RNF212: variants seen among roughly 807,000 people sequenced by gnomAD.
The protein encoded by RNF212 is ring finger protein 212, also known as probable E3 SUMO-protein ligase RNF212.
A neutral mutation model predicts 34.7 loss-of-function variants in RNF212; 33 were observed. The observed-to-expected ratio is 0.95, with a 90% CI of 0.72 to 1.27. The LOEUF (loss-of-function observed/expected upper bound fraction) is 1.27. RNF212 is among the 50% of genes most tolerant of loss of function. The pLI, the probability that RNF212 is intolerant of heterozygous loss-of-function variation, is 0.00. For missense variants in RNF212, 377 were observed against 362.2 expected (o/e 1.04, Z -0.33); for synonymous variants, 140 against 136.1 (o/e 1.03, Z -0.20).
chr4:1,096,680 A>T lies in RNF212; in HGVS notation c.246+85T>A, dbSNP rs183671363. On this transcript the variant is annotated intron_variant, in intron 3 of 9. Coordinates refer to ENST00000433731, the MANE Select transcript of RNF212 (RefSeq NM_001131034.4). ...GATAGTGCACCTGGCTCATCACAGA[A>T]CCAAGCACACCCCTCATAGCTCCAT... 5.1e-5 allele frequency: 45 copies of T among 877,640 alleles called. 1 individual carries two copies. The African/African-American group carries it at 8.6e-4, about 17-fold the overall frequency. The allele number at this position is 877,640 out of a possible 1,614,324, so 54.4% of individuals were successfully genotyped here.
chr4:1,105,291 C>G (rs939821649), intron 2 of RNF212, among the ~76,000 whole-genome samples: 1 of 48,290 alleles, frequency 2.1e-5, no homozygotes, highest in African/African-American at 3.6e-5. Flanking sequence ...CTGCTCCGCG[C>G]TCACCGGAGT....
chr4:1,104,394 C>A (rs1724489628), intron 2 of RNF212, among the ~76,000 whole-genome samples: 1 of 152,230 alleles, frequency 6.6e-6, no homozygotes, highest in Non-Finnish European at 1.5e-5. Context: ...AGGCCCTGGG[C>A]TCAGGTCACC....
chr4:1,060,130 T>A (rs1484231428), intron 3 of RNF212, among the ~76,000 whole-genome samples: 1 of 151,032 alleles, frequency 6.6e-6, no homozygotes, highest in Non-Finnish European at 1.5e-5. Flanking sequence ...AGAAATTGTT[T>A]CCTATTTACT....
chr4:1,056,969 G>A (rs1717362404), intron 4 of RNF212: 4 of 987,852 alleles, frequency 4.0e-6, no homozygotes, highest in African/African-American at 1.7e-5. Context: ...TGGCGTTAGT[G>A]GGGGTCCCTT....
intron 8 of RNF212, among the ~76,000 whole-genome samples, chr4:1,075,417 G>A (rs1015307330): frequency 1.3e-5 from 2 of 152,222 alleles, no homozygotes; most frequent in African/African-American, 2.4e-5. Context: ...TACAATCAGG[G>A]TGGGAGGCCA....
chr4:1,101,327 A>T (rs751745441), intron 2 of RNF212: 32 of 262,140 alleles, frequency 1.2e-4, no homozygotes, highest in Non-Finnish European at 2.2e-4. Flanking sequence ...GACAATACTG[A>T]GCAGAATTTT....
chr4:1,099,858 A>G (rs1266996681), intron 2 of RNF212: 2 of 456,114 alleles, frequency 4.4e-6, no homozygotes, highest in Non-Finnish European at 8.8e-6. Context: ...TGCGGGATCC[A>G]CGGGGCTCTC....
At chr4:1,060,176 A>T (rs1717657779) in intron 3 of RNF212, among the ~76,000 whole-genome samples, 1 of 151,996 alleles carries the variant, frequency 6.6e-6, no homozygotes, top group African/African-American at 2.4e-5. Flanking sequence ...TTATCAACAG[A>T]GATGAAGAGA....
At chr4:1,101,437 T>C (rs1480299310) in intron 2 of RNF212, 3 of 158,766 alleles carry the variant, frequency 1.9e-5, no homozygotes, top group Non-Finnish European at 4.2e-5. Flanking sequence ...CCTGTAAACA[T>C]GGTATTCCCT....
At chr4:1,075,060 G>C (rs1333262878) in intron 8 of RNF212, among the ~76,000 whole-genome samples, 1 of 152,196 alleles carries the variant, frequency 6.6e-6, no homozygotes, top group East Asian at 1.9e-4. Flanking sequence ...TCCCCGTCCT[G>C]GTGCTGTCTG....
At chr4:1,110,616 G>C (rs1322998634) in intron 1 of RNF212, among the ~76,000 whole-genome samples, 2 of 151,900 alleles carry the variant, frequency 1.3e-5, no homozygotes, top group African/African-American at 4.9e-5. Context: ...GTCTATGTTT[G>C]AGTAAGTAAT....
chr4:1,056,886 G>T, intron 4 of RNF212: 3 of 988,032 alleles, frequency 3.0e-6, no homozygotes, highest in Non-Finnish European at 3.6e-6. Context: ...GGCGGCCGGG[G>T]GGGCAGCCTG....
At chr4:1,073,240 G>T in intron 9 of RNF212, 47 bp from the exon 10 acceptor site, 1 of 1,596,490 alleles carries the variant, frequency 6.3e-7, no homozygotes, top group Non-Finnish European at 8.6e-7. Flanking sequence ...GGCCTGTGTG[G>T]GCTGAGGTGG....
intron 3 of RNF212, among the ~76,000 whole-genome samples, chr4:1,059,118 G>A (rs1717563787): frequency 6.6e-6 from 1 of 152,244 alleles, no homozygotes; most frequent in South Asian, 2.1e-4. Context: ...CGCAGTGACT[G>A]TGACTGGCCA....
At chr4:1,093,612 G>T in intron 3 of RNF212, 1 of 1,535,778 alleles carries the variant, frequency 6.5e-7, no homozygotes, top group Non-Finnish European at 8.7e-7. Flanking sequence ...GGGGCTGGCC[G>T]GGTCTGCTGG....
intron 4 of RNF212, chr4:1,056,627 AAT>A: frequency 4.5e-6 from 2 of 446,716 alleles, no homozygotes; most frequent in Non-Finnish European, 5.9e-6. Context: ...GAGTATTATC[AAT>A]ATGTTTAAGT....
chr4:1,086,059 T>G, intron 4 of RNF212, 105 bp from the exon 5 acceptor site: 1 of 842,830 alleles, frequency 1.2e-6, no homozygotes, highest in Non-Finnish European at 2.0e-6. Context: ...TTACTCTGCA[T>G]GGAGTTGCCC....
intron 5 of RNF212, among the ~76,000 whole-genome samples, chr4:1,083,095 T>C (rs1274347980): frequency 6.6e-6 from 1 of 152,160 alleles, no homozygotes; most frequent in Non-Finnish European, 1.5e-5. Context: ...ATGCAGGCGA[T>C]ACCAGGTATG....
intron 2 of RNF212, among the ~76,000 whole-genome samples, chr4:1,104,806 T>C (rs1724555882): frequency 6.6e-6 from 1 of 152,148 alleles, no homozygotes; most frequent in Non-Finnish European, 1.5e-5. Flanking sequence ...ACAATGAACG[T>C]GTCTGCATCC....
Sources: gnomAD v4.1 joint callset for allele counts (sites outside exome capture counted in the v4.1 genomes callset) on GRCh38, gnomAD v4.1.1 for gene constraint, MANE v1.5 for transcripts, NCBI Gene and HGNC (gene_info 2026-07-23, HGNC 2026-07-21) for gene names.